The following MYO9B variants were observed in gnomAD, a reference collection of about 807,000 sequenced individuals.
MYO9B encodes the protein unconventional myosin-IXb.
Under a neutral mutation model 229.5 loss-of-function variants are expected in MYO9B, and 71 were observed. The observed-to-expected ratio is 0.31, with a 90% confidence interval of 0.26 to 0.38. The LOEUF is 0.38. MYO9B is among the 10% of genes least tolerant of loss of function. The pLI is 1.00. For synonymous variants in MYO9B, 1,185 were observed against 1,235.8 expected, an observed-to-expected ratio of 0.96 and a Z score of 0.86; for missense variants, 2,255 against 2,920.5, an observed-to-expected ratio of 0.77 and a Z score of 5.25.
At chr19:17,144,985 A>AAAT (rs1399219634) in intron 2 of MYO9B, among the ~76,000 whole-genome samples, 1 of 151,228 alleles carries the variant, frequency 6.6e-6, no homozygotes, top group East Asian at 1.9e-4. Context: ...AAAAAAAAAA[A>AAAT]AAAAAAGAAA....
At chr19:17,206,620 G>A in intron 33 of MYO9B, 59 bp from the exon 34 acceptor site, 1 of 1,455,074 alleles carries the variant, frequency 6.9e-7, no homozygotes, top group Non-Finnish European at 9.4e-7. Flanking sequence ...TGTTGGTGGG[G>A]ACAACAGGCA....
intron 10 of MYO9B, among the ~76,000 whole-genome samples, chr19:17,166,043 T>C (rs752406310): frequency 1.8e-4 from 27 of 151,408 alleles, no homozygotes; most frequent in Non-Finnish European, 3.2e-4. Flanking sequence ...ATTTTAAGTG[T>C]GATTTTTTTT....
intron 3 of MYO9B, among the ~76,000 whole-genome samples, chr19:17,149,669 C>T (rs2072455532): frequency 6.6e-6 from 1 of 152,208 alleles, no homozygotes; most frequent in East Asian, 1.9e-4. Flanking sequence ...TTCTCCATGC[C>T]ATTCCCACCA....
At chr19:17,095,023 G>A (rs1207062203) in intron 1 of MYO9B, among the ~76,000 whole-genome samples, 1 of 152,212 alleles carries the variant, frequency 6.6e-6, no homozygotes. Context: ...CAGATCACTT[G>A]AAGTCAGGAG....
At chr19:17,096,636 A>G (rs1192150620) in intron 1 of MYO9B, among the ~76,000 whole-genome samples, 1 of 151,720 alleles carries the variant, frequency 6.6e-6, no homozygotes, top group Non-Finnish European at 1.5e-5. Flanking sequence ...AAAATAAAAA[A>G]GCAGATGAGC....
chr19:17,150,826 C>T (rs2072469001), intron 3 of MYO9B, among the ~76,000 whole-genome samples: 1 of 141,430 alleles, frequency 7.1e-6, no homozygotes, highest in Non-Finnish European at 1.6e-5. Context: ...ACATTCACTG[C>T]CACTACTTTT....
At chr19:17,138,191 G>A (rs569005439) in intron 2 of MYO9B, among the ~76,000 whole-genome samples, 3 of 152,128 alleles carry the variant, frequency 2.0e-5, no homozygotes, top group African/African-American at 7.2e-5. Context: ...GAGAATGATG[G>A]TTTCCAGCTT....
chr19:17,166,334 C>T (rs1340494909), intron 10 of MYO9B, among the ~76,000 whole-genome samples: 1 of 152,170 alleles, frequency 6.6e-6, no homozygotes, highest in Non-Finnish European at 1.5e-5. Flanking sequence ...TGAGCCACCA[C>T]GCCCAGCCCT....
intron 1 of MYO9B, among the ~76,000 whole-genome samples, chr19:17,087,730 G>A (rs766192248): frequency 1.2e-4 from 19 of 152,136 alleles, no homozygotes; most frequent in Admixed American, 3.3e-4. Context: ...AAGAGTTCAC[G>A]ACCAGCCTGA....
At chr19:17,137,561 C>T (rs998153652) in intron 2 of MYO9B, among the ~76,000 whole-genome samples, 1 of 152,122 alleles carries the variant, frequency 6.6e-6, no homozygotes, top group South Asian at 2.1e-4. Flanking sequence ...TGCTTGGCTC[C>T]GTGCCCCATG....
chr19:17,139,039 T>C (rs2072305428), intron 2 of MYO9B, among the ~76,000 whole-genome samples: 1 of 152,056 alleles, frequency 6.6e-6, no homozygotes, highest in Admixed American at 6.6e-5. Context: ...TAGTCGGGCA[T>C]GGTGGCTCGC....
chr19:17,136,681 C>A (rs564840351), intron 2 of MYO9B, among the ~76,000 whole-genome samples: 1 of 152,080 alleles, frequency 6.6e-6, no homozygotes, highest in African/African-American at 2.4e-5. Context: ...ATGGTTCACC[C>A]TCAAAAAGTC....
chr19:17,123,709 A>G (rs929764359), intron 2 of MYO9B, among the ~76,000 whole-genome samples: 2 of 151,442 alleles, frequency 1.3e-5, no homozygotes, highest in African/African-American at 4.9e-5. Flanking sequence ...ACACCTGGCC[A>G]CAAAGTAAAA....
chr19:17,202,513 A>T (rs1157427684), intron 28 of MYO9B, among the ~76,000 whole-genome samples: 1 of 151,948 alleles, frequency 6.6e-6, no homozygotes, highest in East Asian at 1.9e-4. Flanking sequence ...CCCACCTGAC[A>T]TGCCACACCC....
At position 17,194,873 on chromosome 19, in the gene MYO9B, A is replaced by G. The variant is rs769289281; in HGVS notation, c.3446A>G (p.Glu1149Gly). The G allele has an allele frequency of 1.6e-5, 26 of 1,613,240 alleles. No homozygotes were observed. Among genetic ancestry groups the G allele is most frequent in the Middle Eastern group, 1.6e-4 (1 of 6,084 alleles). ...EKVPSSREKRESRRQRGLEHV... is the reference protein window; with the variant it reads ...EKVPSSREKRGSRRQRGLEHV... Reference sequence around the variant, plus strand: ...GTCCCCAGCAGCCGGGAGAAGCGTGAGTCGCGTCGGCAAAGAGGGCTGGAG... The same window carrying G: ...GTCCCCAGCAGCCGGGAGAAGCGTGGGTCGCGTCGGCAAAGAGGGCTGGAG... Residue 1149 changes from glutamate to glycine, a missense_variant, in exon 22 of 40, where the codon GAG becomes GGG. Transcript: ENST00000682292.
In MYO9B at chr19:17,156,837, G is replaced by A. The variant is rs554288773; in HGVS notation, c.1200-72G>A. 21 of 1,513,862 alleles carry A rather than the reference G, an allele frequency of 1.4e-5. No homozygotes were observed. The Admixed American group carries it at 2.1e-4, about 15-fold the overall frequency. 93.8% of individuals were successfully genotyped at this position (1,513,862 alleles called of 1,614,324 possible). A position where few individuals can be genotyped will look rare whatever the true frequency, so the allele number is the denominator to read the frequency against. ...TTTGCTGGTTTTATGGATTCAGCCC[G>A]GTTCCCTGGGAAGTATCTGCTGTCT... On this transcript the variant is annotated intron_variant, in intron 6 of 39. Transcript: ENST00000682292.
At chr19:17,133,254 G>A (rs1299339407) in intron 2 of MYO9B, among the ~76,000 whole-genome samples, 7 of 152,176 alleles carry the variant, frequency 4.6e-5, no homozygotes, top group East Asian at 1.9e-4. Flanking sequence ...TAACGTACGC[G>A]TTACCTGACA....
chr19:17,212,015 G>A lies in MYO9B; in HGVS notation c.6179G>A (p.Arg2060Gln), dbSNP rs767810787. The A allele has an allele frequency of 1.9e-5, 26 of 1,341,408 alleles. No homozygotes were observed. The highest frequency in any genetic ancestry group is 1.3e-4 in the South Asian group (11 of 87,248). The allele number at this position is 1,341,408 out of a possible 1,614,324, so 83.1% of individuals were successfully genotyped here. The change falls in exon 40 of 40, where the codon CGG (arginine) becomes CAG (glutamine). Residue 2060 changes from arginine to glutamine, a missense_variant. Transcript: ENST00000682292. This position sits in a 1 kb window ranked among gnomAD's most constrained non-coding sequence, Gnocchi z 5.4. Reference protein sequence around the residue: ...SFVTVRVKTPRRTPIMPTANI... With the variant: ...SFVTVRVKTPQRTPIMPTANI... ...GTAACGGTCAGAGTGAAGACCCCCC[G>A]GCGGACCCCCATCATGCCCACGGCC...
chr19:17,136,556 G>T (rs899863901), intron 2 of MYO9B, among the ~76,000 whole-genome samples: 2 of 152,130 alleles, frequency 1.3e-5, no homozygotes, highest in African/African-American at 4.8e-5. Context: ...CGCAGCCGGG[G>T]TGATTTGCCG....
Sources: allele counts gnomAD v4.1 joint callset (sites outside exome capture counted in the v4.1 genomes callset), GRCh38; gene constraint gnomAD v4.1.1; non-coding constraint Gnocchi (gnomAD v3.1); transcripts MANE v1.5; gene names NCBI Gene and HGNC (gene_info 2026-07-23, HGNC 2026-07-21).